LIMS1: variants seen among roughly 807,000 people sequenced by gnomAD.
LIMS1 encodes the protein LIM and senescent cell antigen-like-containing domain protein 1.
A neutral mutation model predicts 44.1 loss-of-function variants in LIMS1; 18 were observed. The ratio of observed to expected loss-of-function variants is 0.41; its 90% confidence interval spans 0.28 to 0.61. The LOEUF (loss-of-function observed/expected upper bound fraction) is 0.61. Among genes scored for constraint, LIMS1 ranks in the 20% least tolerant of loss-of-function variants. The pLI is 0.32. For missense variants in LIMS1, 201 were observed against 422.0 expected (o/e 0.48, Z 4.59); for synonymous variants, 93 against 149.1 (o/e 0.62, Z 2.74).
chr2:108,588,374 C>T (rs1041519345), intron 1 of LIMS1: 2 of 985,090 alleles, frequency 2.0e-6, no homozygotes, highest in African/African-American at 1.7e-5. Context: ...GAAATAGAGG[C>T]TTTCAAAGAT....
intron 1 of LIMS1, among the ~76,000 whole-genome samples, chr2:108,549,218 G>A (rs1300832534): frequency 7.1e-6 from 1 of 140,746 alleles, no homozygotes; most frequent in Non-Finnish European, 1.5e-5. Flanking sequence ...TAACTTTTCA[G>A]TTGACTTGAC....
chr2:108,569,764 C>CTTTTTTTTTTT (rs10596766), intron 1 of LIMS1, among the ~76,000 whole-genome samples: 68 of 113,022 alleles, frequency 6.0e-4, no homozygotes, highest in East Asian at 5.0e-3. Flanking sequence ...CCATATCTGG[C>CTTTTTTTTTTT]TTTTTTTTTT....
intron 1 of LIMS1, 65 bp downstream of exon 1, chr2:108,534,659 GGGCCGGGCCGGGCCTGGCGCGGGCGGGC>G (rs1558776703): frequency 4.6e-5 from 42 of 917,058 alleles, no homozygotes; most frequent in Admixed American, 6.1e-5. Context: ...CCTTCGGGCC[GGGCCGGGCCGGGCCTGGCGCGGGCGGGC>G]GGCCGGGCTT....
chr2:108,683,777 C>T, intron 9 of LIMS1, 108 bp from the exon 10 acceptor site: 1 of 488,930 alleles, frequency 2.0e-6, no homozygotes, highest in South Asian at 3.9e-5. Flanking sequence ...ATAATATCAT[C>T]ACCTAGTTGC....
At chr2:108,641,995 A>G (rs1449420358) in intron 1 of LIMS1, among the ~76,000 whole-genome samples, 1 of 152,198 alleles carries the variant, frequency 6.6e-6, no homozygotes, top group African/African-American at 2.4e-5. Flanking sequence ...ATAGAGGATG[A>G]TAGTAGAAAC....
chr2:108,562,250 A>G (rs1426830212), intron 1 of LIMS1, among the ~76,000 whole-genome samples: 1 of 152,204 alleles, frequency 6.6e-6, no homozygotes, highest in African/African-American at 2.4e-5. Context: ...TAATAACCCT[A>G]TAATAATCTT....
intron 3 of LIMS1, among the ~76,000 whole-genome samples, chr2:108,671,871 G>A (rs1450162427): frequency 2.6e-5 from 4 of 152,138 alleles, no homozygotes; most frequent in Non-Finnish European, 5.9e-5. Context: ...TGCTTACTCT[G>A]GTAGACACAT....
intron 5 of LIMS1, chr2:108,673,767 A>T (rs1692303908): frequency 1.3e-5 from 2 of 152,192 alleles, no homozygotes; most frequent in Admixed American, 1.3e-4. Context: ...TATTAAAAAT[A>T]TTCCCAGTAG....
chr2:108,674,939 C>A (rs1400018721), intron 5 of LIMS1, among the ~76,000 whole-genome samples: 2 of 151,224 alleles, frequency 1.3e-5, no homozygotes, highest in Admixed American at 1.3e-4. Flanking sequence ...CTAATTGGGA[C>A]CATCTCTGAC....
chr2:108,609,055 G>A (rs1687439598), intron 1 of LIMS1, among the ~76,000 whole-genome samples: 1 of 152,150 alleles, frequency 6.6e-6, no homozygotes, highest in Admixed American at 6.5e-5. Flanking sequence ...GCGTCTTTCT[G>A]AAGACTTCTG....
In LIMS1 at chr2:108,551,949, G is replaced by GTATATA. The variant is rs1469384389; in HGVS notation, c.32+17356_32+17357insATATAT. On this transcript the variant is annotated intron_variant, in intron 1 of 9. Coordinates refer to ENST00000544547, the Ensembl canonical transcript of LIMS1. ...TATATATGTGTGTGTGTGTGTGTGT[G>GTATATA]TGTGTATATATATATATATATATGT... Among the ~76,000 whole-genome samples, 28 of 98,032 alleles carry GTATATA rather than the reference G, an allele frequency of 2.9e-4. 1 individual carries two copies. In the South Asian group the frequency reaches 6.5e-3, roughly 23 times the overall value. The allele number at this position is 98,032 out of a possible 152,430, so 64.3% of individuals were successfully genotyped here.
In LIMS1 at chr2:108,561,455, A is replaced by G. The variant is rs531528146; in HGVS notation, c.32+26861A>G. Among the ~76,000 whole-genome samples the G allele has an allele frequency of 4.6e-5, 7 of 152,316 alleles. No homozygotes were observed. In the South Asian group the frequency reaches 1.2e-3, roughly 27 times the overall value. On this transcript the variant is annotated intron_variant, in intron 1 of 9. Coordinates refer to ENST00000544547, the Ensembl canonical transcript of LIMS1. ...AATTAATAATAATTTGTATTGAGGC[A>G]GAACCAATGCAGTGTATGTGTGTGT...
At chr2:108,619,545 G>A (rs1293437038) in intron 1 of LIMS1, among the ~76,000 whole-genome samples, 3 of 152,000 alleles carry the variant, frequency 2.0e-5, no homozygotes, top group Non-Finnish European at 4.4e-5. Flanking sequence ...TTAGCTGGGC[G>A]TGGTGGCGCA....
chr2:108,551,495 A>G (rs915922071), intron 1 of LIMS1, among the ~76,000 whole-genome samples: 2,437 of 78,416 alleles, frequency 0.031, 15 homozygotes, highest in Middle Eastern at 0.062. Flanking sequence ...GCGCGCGCAC[A>G]CACACACACA....
intron 1 of LIMS1, among the ~76,000 whole-genome samples, chr2:108,561,956 A>G (rs928513570): frequency 6.6e-6 from 1 of 151,814 alleles, no homozygotes; most frequent in Non-Finnish European, 1.5e-5. Flanking sequence ...GTTGGCCAGA[A>G]TGGTCTCAAT....
chr2:108,568,306 GCTTT>G lies in LIMS1; in HGVS notation c.32+33715_32+33718del, dbSNP rs1381432209. On this transcript the variant is annotated intron_variant, in intron 1 of 9. Transcript: ENST00000544547. ...TGCAATATTTGTTCTTTTGTGACTG[GCTTT>G]CTATTTCACTTCACATAATGTCCTC... Among the ~76,000 whole-genome samples the G allele has an allele frequency of 2.6e-5, 4 of 152,238 alleles. No individual in the cohort carries two copies. In the East Asian group the frequency reaches 7.7e-4, roughly 29 times the overall value.
Position 108,680,540 on chromosome 2 carries a change from T to TA in LIMS1, c.824-131dup, listed in dbSNP as rs772500201. Among the ~76,000 whole-genome samples the TA allele has an allele frequency of 3.3e-3, 269 of 81,480 alleles. 1 individual carries two copies. Among genetic ancestry groups the TA allele is most frequent in the African/African-American group, 5.6e-3 (134 of 23,948 alleles). The allele number at this position is 81,480 out of a possible 152,430, so 53.5% of individuals were successfully genotyped here. A position where few individuals can be genotyped will look rare whatever the true frequency, so the allele number is the denominator to read the frequency against. ...CTATAGAGCAAGACCCTGTCTCATT[T>TA]AAAAAAAAAAAAAAAAAAAAAAAAG... On this transcript the variant is annotated intron_variant, in intron 8 of 9. Transcript: ENST00000544547.
At chr2:108,678,181 C>T (rs1692701128) in intron 8 of LIMS1, among the ~76,000 whole-genome samples, 154 bp downstream of exon 8, 1 of 152,166 alleles carries the variant, frequency 6.6e-6, no homozygotes, top group Non-Finnish European at 1.5e-5. Context: ...TAATCTGTAG[C>T]AGTAAGATGA....
intron 2 of LIMS1, 91 bp downstream of exon 2, chr2:108,659,855 G>T: frequency 6.2e-7 from 1 of 1,607,678 alleles, no homozygotes; most frequent in Middle Eastern, 2.3e-4. Flanking sequence ...TTCATGTTCA[G>T]TTTCATGATG....
Sources: gnomAD v4.1 joint callset for allele counts (sites outside exome capture counted in the v4.1 genomes callset) on GRCh38, gnomAD v4.1.1 for gene constraint, MANE v1.5 for transcripts, NCBI Gene and HGNC (gene_info 2026-07-23, HGNC 2026-07-21) for gene names.